BAZ2B: variants seen among roughly 807,000 people sequenced by gnomAD.
The protein encoded by BAZ2B is bromodomain adjacent to zinc finger domain protein 2B.
BAZ2B carries 91 observed loss-of-function variants against 246.0 expected under a neutral mutation model. The observed-to-expected ratio is 0.37, with a 90% confidence interval of 0.31 to 0.44. BAZ2B has a LOEUF of 0.44. Ranked by LOEUF, BAZ2B falls within the 20% of genes least tolerant of loss-of-function variation. The pLI, the probability that BAZ2B is intolerant of heterozygous loss-of-function variation, is 1.00. For missense variants in BAZ2B, 2,332 were observed against 2,533.7 expected (o/e 0.92, Z 1.71); for synonymous variants, 855 against 860.0 (o/e 0.99, Z 0.10).
the BAZ2B span, among the ~76,000 whole-genome samples, chr2:159,644,166 G>C: frequency 6.6e-6 from 1 of 152,106 alleles, no homozygotes; most frequent in Non-Finnish European, 1.5e-5. Context: ...TCATCTTGAG[G>C]AAAAATTCTT....
intron 25 of BAZ2B, among the ~76,000 whole-genome samples, chr2:159,379,045 A>C (rs1417266968): frequency 6.6e-6 from 1 of 152,198 alleles, no homozygotes; most frequent in East Asian, 1.9e-4. Context: ...TTGTGCTGTC[A>C]TGTTCATTGC....
chr2:159,617,579 AGAGT>A (rs1388754567), upstream of BAZ2B, among the ~76,000 whole-genome samples: 1 of 152,158 alleles, frequency 6.6e-6, no homozygotes, highest in Non-Finnish European at 1.5e-5. Context: ...TTCAGGATGA[AGAGT>A]AAGTAAAAAT....
intron 28 of BAZ2B, 32 bp from the exon 29 acceptor site, chr2:159,349,312 T>C (rs1036938608): frequency 3.9e-6 from 6 of 1,543,928 alleles, no homozygotes; most frequent in African/African-American, 2.8e-5. Context: ...TAATGAAAAG[T>C]AGATTACTCT....
At chr2:159,371,600 C>A (rs981420468) in intron 27 of BAZ2B, among the ~76,000 whole-genome samples, 1 of 152,186 alleles carries the variant, frequency 6.6e-6, no homozygotes, top group African/African-American at 2.4e-5. Flanking sequence ...GGCCTCCCTA[C>A]TTCTTAGCTG....
chr2:159,395,741 TAATATTTTTCTAGA>T lies in BAZ2B; in HGVS notation c.3075+14_3075+27del. 2 of 1,553,892 alleles carry T rather than the reference TAATATTTTTCTAGA, an allele frequency of 1.3e-6. No homozygotes were observed. The highest frequency in any genetic ancestry group is 1.8e-6 in the Non-Finnish European group (2 of 1,132,092). On this transcript the variant is annotated intron_variant, in intron 20 of 36. Coordinates refer to ENST00000392783, the MANE Select transcript of BAZ2B (RefSeq NM_013450.4). ...TAGGAAAAAGCATTACTTTATAAGG[TAATATTTTTCTAGA>T]AACATACACTTACTTCTGCTTTTTT...
chr2:159,413,640 G>A (rs760180554), intron 13 of BAZ2B, among the ~76,000 whole-genome samples: 7 of 152,112 alleles, frequency 4.6e-5, no homozygotes, highest in Non-Finnish European at 1.0e-4. Context: ...CCAGGGAGGT[G>A]GAGGTTGCAG....
intron 2 of BAZ2B, among the ~76,000 whole-genome samples, chr2:159,520,786 A>G (rs912875584): frequency 1.3e-5 from 2 of 152,168 alleles, no homozygotes; most frequent in African/African-American, 4.8e-5. Context: ...ACAACTTTTG[A>G]GAACACTACC....
chr2:159,429,952 T>C (rs2070764148), intron 10 of BAZ2B, among the ~76,000 whole-genome samples: 1 of 152,146 alleles, frequency 6.6e-6, no homozygotes, highest in South Asian at 2.1e-4. Flanking sequence ...GAATGAGAAC[T>C]GAGAGTAGTT....
intron 30 of BAZ2B, 139 bp downstream of exon 30, chr2:159,348,539 T>G: frequency 6.0e-6 from 6 of 1,002,228 alleles, no homozygotes; most frequent in South Asian, 4.1e-5. Flanking sequence ...TTTGACTGTT[T>G]GATCTGCGAT....
At chr2:159,625,466 A>T in the BAZ2B span, among the ~76,000 whole-genome samples, 1 of 152,226 alleles carries the variant, frequency 6.6e-6, no homozygotes, top group South Asian at 2.1e-4. Context: ...CCATCAGAGT[A>T]AGAGTGGATC....
intron 23 of BAZ2B, among the ~76,000 whole-genome samples, chr2:159,384,819 G>A (rs987494490): frequency 6.6e-6 from 1 of 152,040 alleles, no homozygotes; most frequent in Non-Finnish European, 1.5e-5. Flanking sequence ...AAAAAATTCT[G>A]TATTCTTGTG....
the BAZ2B span, among the ~76,000 whole-genome samples, chr2:159,698,860 TTGAAC>T: frequency 3.3e-5 from 5 of 152,218 alleles, no homozygotes; most frequent in Non-Finnish European, 4.4e-5. Flanking sequence ...GAATAGTAAC[TTGAAC>T]TGAAGATTTT....
the BAZ2B span, among the ~76,000 whole-genome samples, chr2:159,690,632 T>C: frequency 6.6e-6 from 1 of 152,186 alleles, no homozygotes; most frequent in Non-Finnish European, 1.5e-5. Flanking sequence ...ACACTGTATC[T>C]TTTCAGTAAA....
At chr2:159,337,545 A>C (rs1396455455) in intron 32 of BAZ2B, 22 bp downstream of exon 32, 7 of 1,613,978 alleles carry the variant, frequency 4.3e-6, no homozygotes, top group Non-Finnish European at 8.5e-7. Flanking sequence ...GAATGGTGGT[A>C]CTTAAGGGGC....
At chr2:159,466,953 C>T (rs1265530457) in intron 3 of BAZ2B, among the ~76,000 whole-genome samples, 1 of 152,106 alleles carries the variant, frequency 6.6e-6, no homozygotes, top group African/African-American at 2.4e-5. Context: ...TAGTGTTTTA[C>T]CTGAGTACCC....
chr2:159,490,205 G>A (rs1396698793), intron 2 of BAZ2B, among the ~76,000 whole-genome samples: 2 of 150,996 alleles, frequency 1.3e-5, no homozygotes, highest in African/African-American at 4.9e-5. Flanking sequence ...ATTCTTAATC[G>A]AGAAACCATA....
At chr2:159,610,542 G>C (rs1325242873) in intron 1 of BAZ2B, among the ~76,000 whole-genome samples, 1 of 152,158 alleles carries the variant, frequency 6.6e-6, no homozygotes, top group Admixed American at 6.5e-5. Context: ...ACACATAGCT[G>C]AAGTACTAAT....
the BAZ2B span, among the ~76,000 whole-genome samples, chr2:159,662,380 T>C: frequency 2.6e-5 from 4 of 152,210 alleles, no homozygotes; most frequent in African/African-American, 9.6e-5. Flanking sequence ...GGTTATATGG[T>C]ATTTCTATGT....
chr2:159,423,264 C>T (rs1405793094), intron 13 of BAZ2B, among the ~76,000 whole-genome samples: 6 of 151,912 alleles, frequency 3.9e-5, no homozygotes, highest in African/African-American at 1.2e-4. Flanking sequence ...TGCAGTGAGC[C>T]GAGATGGCAC....
Sources: allele counts gnomAD v4.1 joint callset (sites outside exome capture counted in the v4.1 genomes callset), GRCh38; gene constraint gnomAD v4.1.1; transcripts MANE v1.5; gene names NCBI Gene and HGNC (gene_info 2026-07-23, HGNC 2026-07-21).